Variants in NRBP2 observed in about 807,000 individuals in gnomAD.
NRBP2 encodes the protein nuclear receptor-binding protein 2.
In NRBP2, 47 loss-of-function variants were observed where a neutral mutation model predicts 74.4. That is an observed-to-expected ratio of 0.63 (90% CI 0.50 to 0.81). NRBP2 has a LOEUF of 0.81. Ranked by LOEUF, NRBP2 falls within the 30% of genes least tolerant of loss-of-function variation. The pLI is 0.00. For synonymous variants in NRBP2, 312 were observed against 273.8 expected, an observed-to-expected ratio of 1.14 and a Z score of -1.38; for missense variants, 613 against 690.1, an observed-to-expected ratio of 0.89 and a Z score of 1.25.
chr8:143,830,100 A>G (rs920907456), downstream of NRBP2, among the ~76,000 whole-genome samples: 2 of 152,342 alleles, frequency 1.3e-5, no homozygotes, highest in East Asian at 3.9e-4. Flanking sequence ...CCTCCTTTCA[A>G]CCCTGGGAAC....
Position 143,839,449 on chromosome 8 carries a change from G to C in NRBP2, c.486-41C>G, listed in dbSNP as rs573340000. The C allele has an allele frequency of 1.2e-4, 187 of 1,534,666 alleles. 2 individuals are homozygous for C. In the Admixed American group the frequency reaches 1.8e-3, roughly 15 times the overall value. On this transcript the variant is annotated intron_variant, in intron 5 of 17. Transcript: ENST00000442628. This position sits in a 1 kb window ranked among gnomAD's most constrained non-coding sequence, Gnocchi z 5.1. ...AGGGGAGAGTAGGAGGAGCCGGTCA[G>C]GAGGCTCTGGAGAGATGGGGGCTCG...
At chr8:143,832,697 A>C (rs1347695060), downstream of NRBP2, among the ~76,000 whole-genome samples, 2 of 152,222 alleles carry the variant, frequency 1.3e-5, no homozygotes, top group African/African-American at 4.8e-5. Context: ...ACCTTTGTTC[A>C]CGTGTTTGTC....
In NRBP2 at chr8:143,839,754, G is replaced by A. The variant is rs1208492449; in HGVS notation, c.426C>T (p.His142=). 36 of 1,536,038 alleles carry A rather than the reference G, an allele frequency of 2.3e-5. No individual in the cohort carries two copies. Among genetic ancestry groups the A allele is most frequent in the Non-Finnish European group, 3.1e-5 (36 of 1,146,860 alleles). The change falls in exon 4 of 18, where the codon CAC becomes CAT. Residue 142 remains histidine, a synonymous_variant. Coordinates refer to ENST00000442628, the MANE Select transcript of NRBP2 (RefSeq NM_178564.4). This position sits in a 1 kb window ranked among gnomAD's most constrained non-coding sequence, Gnocchi z 5.1. The stretch of plus-strand genomic sequence containing the variant: ...CCCATACCCGGGCGTTCATGGCCTT[G>A]TGGTTCTTCTTGGTCTTTTTGAGGA... ...KQFLKKTKKN[H]KAMNARAWKR...
chr8:143,840,152 C>G lies in NRBP2; in HGVS notation c.207G>C (p.Trp69Cys). ...TCCTGTCTCCGAAGTGGAGCTCGTT[C>G]CACACCACCTCTACCCCCTCCTCCG... ...MDTEEGVEVV[W>C]NELHFGDRKA... The change falls in exon 2 of 18, where the codon TGG becomes TGC. Residue 69 changes from tryptophan to cysteine, a missense_variant. Physicochemically the swap from Trp to Cys is radical, Grantham distance 215. This residue lies in a region of NRBP2 where 332 missense variants were observed against 429.2 expected (regional missense o/e 0.77). Transcript: ENST00000442628. This position sits in a 1 kb window ranked among gnomAD's most constrained non-coding sequence, Gnocchi z 5.7. 3 of 1,536,168 alleles carry G rather than the reference C, an allele frequency of 2.0e-6. No individual in the cohort carries two copies. Among genetic ancestry groups the G allele is most frequent in the Non-Finnish European group, 2.6e-6 (3 of 1,146,912 alleles).
Position 143,840,288 on chromosome 8 carries a change from T to A in NRBP2, c.130-59A>T. The A allele has an allele frequency of 6.5e-7, 1 of 1,528,542 alleles. No individual in the cohort carries two copies. Among genetic ancestry groups the A allele is most frequent in the Non-Finnish European group, 8.8e-7 (1 of 1,142,492 alleles). The allele number at this position is 1,528,542 out of a possible 1,614,324, so 94.7% of individuals were successfully genotyped here. A position where few individuals can be genotyped will look rare whatever the true frequency, so the allele number is the denominator to read the frequency against. ...TGTGTGTCAGGGTTGTGGGTGAGGA[T>A]TTGGTCCCTGTCCACACCTTTCCAG... On this transcript the variant is annotated intron_variant, in intron 1 of 17. Coordinates refer to ENST00000442628, the MANE Select transcript of NRBP2 (RefSeq NM_178564.4). This position sits in a 1 kb window ranked among gnomAD's most constrained non-coding sequence, Gnocchi z 5.7.
Position 143,840,837 on chromosome 8 carries a change from T to C in NRBP2, c.-3A>G. On this transcript the variant is annotated 5_prime_UTR_variant, in exon 1 of 18. Transcript: ENST00000442628. The surrounding 1 kb of genome is among the most constrained non-coding windows in gnomAD (Gnocchi z 5.7). Reference sequence around the variant, plus strand: ...GGCGCCGGCTCCGGGGCCGCCATGGTTCGGCCAGCCCAGGCCACCGCCCTC... The same window carrying C: ...GGCGCCGGCTCCGGGGCCGCCATGGCTCGGCCAGCCCAGGCCACCGCCCTC... The C allele has an allele frequency of 6.8e-7, 1 of 1,476,908 alleles. No homozygotes were observed. Among genetic ancestry groups the C allele is most frequent in the African/African-American group, 1.5e-5 (1 of 68,092 alleles). The allele number at this position is 1,476,908 out of a possible 1,614,324, so 91.5% of individuals were successfully genotyped here. A position where few individuals can be genotyped will look rare whatever the true frequency, so the allele number is the denominator to read the frequency against.
In NRBP2 at chr8:143,837,234, T is replaced by C. The variant is rs576067332; in HGVS notation, c.1127+15A>G. The C allele has an allele frequency of 1.2e-6, 2 of 1,613,880 alleles. No homozygotes were observed. The highest frequency in any genetic ancestry group is 1.7e-5 in the Admixed American group (1 of 60,016). ...CTGACAGCTGCCTGGCCCCCAACCT[T>C]ACATCAGTTCTCACCTGACATCCTC... On this transcript the variant is annotated intron_variant, in intron 13 of 17. Transcript: ENST00000442628. The surrounding 1 kb of genome is among the most constrained non-coding windows in gnomAD (Gnocchi z 4.3).
In NRBP2 at chr8:143,839,052, A is replaced by C. The variant is rs1468260538; in HGVS notation, c.653T>G (p.Leu218Arg). The C allele has an allele frequency of 1.3e-5, 20 of 1,538,582 alleles. No individual in the cohort carries two copies. Among genetic ancestry groups the C allele is most frequent in the Non-Finnish European group, 1.7e-5 (19 of 1,145,368 alleles). ...RSPIRAEREE[L>R]RNLHFFPPEY... is the part of the protein sequence containing the mutation. ...TGGGGGGAAGAAGTGCAGGTTCCGA[A>C]GTTCCTCTCGCTCAGCGCGGATGGG... Residue 218 changes from leucine to arginine, a missense_variant, in exon 8 of 18, where the codon CTT becomes CGT. This residue lies in a region of NRBP2 where 332 missense variants were observed against 429.2 expected (regional missense o/e 0.77). Transcript: ENST00000442628. The surrounding 1 kb of genome is among the most constrained non-coding windows in gnomAD (Gnocchi z 5.1).
Position 143,837,299 on chromosome 8 carries a change from C to A in NRBP2, c.1077G>T (p.Arg359=), listed in dbSNP as rs782096925. 18 of 1,612,474 alleles carry A rather than the reference C, an allele frequency of 1.1e-5. No homozygotes were observed. Among genetic ancestry groups the A allele is most frequent in the Non-Finnish European group, 2.5e-6 (3 of 1,179,674 alleles). Residue 359 remains arginine, a splice_region_variant and synonymous_variant, in exon 13 of 18, where the codon CGG becomes CGT. Coordinates refer to ENST00000442628, the MANE Select transcript of NRBP2 (RefSeq NM_178564.4). The surrounding 1 kb of genome is among the most constrained non-coding windows in gnomAD (Gnocchi z 4.3). ...GCTCCATGAAGGAGACTTCCGAGTA[C>A]CTGGCATGGAAGTGGGAGGCACATG... ...PRPRRPPLQW[R]YSEVSFMELD... is the part of the protein sequence containing the mutation.
At position 143,838,871 on chromosome 8, in the gene NRBP2, C is replaced by CG; in HGVS notation, c.744+11dup. 1 of 1,613,138 alleles carries CG rather than the reference C, an allele frequency of 6.2e-7. No individual in the cohort carries two copies. The highest frequency in any genetic ancestry group is 8.5e-7 in the Non-Finnish European group (1 of 1,179,584). The stretch of plus-strand genomic sequence containing the variant: ...GGAGGGCAGAGCACAAGGTGGAGGG[C>CG]GGGGGCAGTACCTCCAGCGCACACA... On this transcript the variant is annotated intron_variant, in intron 9 of 17. Transcript: ENST00000442628.
chr8:143,839,393 G>GC lies in NRBP2; in HGVS notation c.500dup (p.Cys167TrpfsTer40). 6.3e-7 allele frequency: 1 copy of GC among 1,578,714 alleles called. No homozygotes were observed. Among genetic ancestry groups the GC allele is most frequent in the Non-Finnish European group, 8.5e-7 (1 of 1,170,024 alleles). ...GGTTCCCGTGGATGATTGGGGGGCT[G>GC]CAGGCGTGCAGGAAGCTGCAGACGT... On this transcript the variant is annotated frameshift_variant, in exon 6 of 18. Coordinates refer to ENST00000442628, the MANE Select transcript of NRBP2 (RefSeq NM_178564.4). LOFTEE classifies it high-confidence loss of function. This position sits in a 1 kb window ranked among gnomAD's most constrained non-coding sequence, Gnocchi z 5.1.
chr8:143,831,314 C>T (rs1818158937), downstream of NRBP2, among the ~76,000 whole-genome samples: 1 of 152,252 alleles, frequency 6.6e-6, no homozygotes, highest in South Asian at 2.1e-4. Flanking sequence ...ACCATGACTG[C>T]ATCTCAAAAG....
In NRBP2 at chr8:143,839,565, C is replaced by G; in HGVS notation, c.445-16G>C. 4 of 1,528,710 alleles carry G rather than the reference C, an allele frequency of 2.6e-6. No individual in the cohort carries two copies. Among genetic ancestry groups the G allele is most frequent in the Non-Finnish European group, 3.5e-6 (4 of 1,143,688 alleles). The allele number at this position is 1,528,710 out of a possible 1,614,324, so 94.7% of individuals were successfully genotyped here. On this transcript the variant is annotated splice_polypyrimidine_tract_variant and intron_variant, in intron 4 of 17. Transcript: ENST00000442628. The surrounding 1 kb of genome is among the most constrained non-coding windows in gnomAD (Gnocchi z 5.1). ...GCTTCCAGGCCTGGCGGCGGACGCA[C>G]GACTCCGTCGGTCGGGTGGGCGCAG...
At position 143,835,803 on chromosome 8, in the gene NRBP2, C is replaced by G; in HGVS notation, c.1437+17G>C. ...GTGCGCCCCCTCCGCCAGGCCGCGCCGCACCGCCCAGCGCACCTCGTGGAG... is the reference window on the plus strand; with the variant it reads ...GTGCGCCCCCTCCGCCAGGCCGCGCGGCACCGCCCAGCGCACCTCGTGGAG... On this transcript the variant is annotated intron_variant, in intron 17 of 17. Coordinates refer to ENST00000442628, the MANE Select transcript of NRBP2 (RefSeq NM_178564.4). This position sits in a 1 kb window ranked among gnomAD's most constrained non-coding sequence, Gnocchi z 4.9. The G allele has an allele frequency of 6.2e-7, 1 of 1,601,134 alleles. No homozygotes were observed.
chr8:143,838,325 T>TG (rs60695052), intron 10 of NRBP2, among the ~76,000 whole-genome samples: 5,225 of 152,250 alleles, frequency 0.034, 318 homozygotes, highest in African/African-American at 0.12. Flanking sequence ...GTCAAGGACT[T>TG]GGAGTGAAGC....
Position 143,837,518 on chromosome 8 carries a change from A to T in NRBP2, c.974-9T>A. The T allele has an allele frequency of 6.2e-7, 1 of 1,607,284 alleles. No individual in the cohort carries two copies. Among genetic ancestry groups the T allele is most frequent in the South Asian group, 1.1e-5 (1 of 89,568 alleles). ...ATTCTCAGGCATGAGGTCTGCGGCC[A>T]CAAGAGCATCAAGGCGGTGTGCTCA... is the stretch of plus-strand genomic sequence containing the variant. On this transcript the variant is annotated splice_polypyrimidine_tract_variant and intron_variant, in intron 11 of 17. Coordinates refer to ENST00000442628, the MANE Select transcript of NRBP2 (RefSeq NM_178564.4). The surrounding 1 kb of genome is among the most constrained non-coding windows in gnomAD (Gnocchi z 4.3).
In NRBP2 at chr8:143,837,445, C is replaced by T. The variant is rs373223215; in HGVS notation, c.1038G>A (p.Ala346=). 14 of 1,608,996 alleles carry T rather than the reference C, an allele frequency of 8.7e-6. No homozygotes were observed. Among genetic ancestry groups the T allele is most frequent in the African/African-American group, 5.3e-5 (4 of 74,860 alleles). Residue 346 remains alanine (A), a synonymous_variant, in exon 12 of 18, where the codon GCG becomes GCA. Transcript: ENST00000442628. This position sits in a 1 kb window ranked among gnomAD's most constrained non-coding sequence, Gnocchi z 4.3. ...TKAMDLHAVL[A]ELPRPRRPPL... ...GGGGCCTGCGGGGCCGGGGAAGCTC[C>T]GCCAAGACCGCGTGCAGGTCCATGG...
chr8:143,837,622 C>T lies in NRBP2; in HGVS notation c.973+1G>A. ...ACCCCCCGGGCCGGCCTGCTGCTCACACTGGTGCTGGATGAAGCAGTGGGC... is the reference window on the plus strand; with the variant it reads ...ACCCCCCGGGCCGGCCTGCTGCTCATACTGGTGCTGGATGAAGCAGTGGGC... On this transcript the variant is annotated splice_donor_variant, in intron 11 of 17. Coordinates refer to ENST00000442628, the MANE Select transcript of NRBP2 (RefSeq NM_178564.4). LOFTEE classifies it high-confidence loss of function. The surrounding 1 kb of genome is among the most constrained non-coding windows in gnomAD (Gnocchi z 4.3). 1.2e-6 allele frequency: 2 copies of T among 1,601,284 alleles called. No individual in the cohort carries two copies. Among genetic ancestry groups the T allele is most frequent in the Admixed American group, 3.4e-5 (2 of 58,264 alleles).
intron 15 of NRBP2, 46 bp downstream of exon 15, chr8:143,836,081 C>T: frequency 6.3e-7 from 1 of 1,585,574 alleles, no homozygotes; most frequent in Non-Finnish European, 8.6e-7. Context: ...CTCCGCCACG[C>T]TCCCGCCTTC....
Sources: gnomAD v4.1 joint callset for allele counts (sites outside exome capture counted in the v4.1 genomes callset) on GRCh38, gnomAD v4.1.1 for gene constraint, gnomAD v4.1.1 regional missense constraint, Gnocchi (gnomAD v3.1) non-coding constraint, MANE v1.5 for transcripts, NCBI Gene and HGNC (gene_info 2026-07-23, HGNC 2026-07-21) for gene names.